The following COL24A1 variants were observed in gnomAD, a reference collection of about 807,000 sequenced individuals.
COL24A1 encodes the protein collagen type XXIV alpha 1 chain.
Under a neutral mutation model 253.9 loss-of-function variants are expected in COL24A1, and 224 were observed. The ratio of observed to expected loss-of-function variants is 0.88; its 90% CI spans 0.79 to 0.99. The LOEUF is 0.99. COL24A1 is among the 50% of genes least tolerant of loss of function. COL24A1 has a pLI of 0.00. For synonymous variants in COL24A1, 685 were observed against 673.7 expected (o/e 1.02, Z -0.26); for missense variants, 2,131 against 2,068.5 (o/e 1.03, Z -0.59).
At position 86,063,725 on chromosome 1, in the gene COL24A1, G is replaced by A; in HGVS notation, c.1742C>T (p.Pro581Leu). ...AAAGGAAGTACCTACTTGTTCACCT[G>A]GAAGTCCTGGGAGTCCAGGATGTCC... ...LKGHPGLPGL[P>L]GEQGIPGFAG... The change falls in exon 8 of 60, where the codon CCA (proline) becomes CTA (leucine). Residue 581 changes from proline to leucine, a missense_variant. By Grantham distance (98) the Pro-to-Leu change is moderately conservative. Coordinates refer to ENST00000370571, the MANE Select transcript of COL24A1 (RefSeq NM_152890.7). The A allele has an allele frequency of 6.4e-7, 1 of 1,550,464 alleles. No homozygotes were observed. Among genetic ancestry groups the A allele is most frequent in the Non-Finnish European group, 8.7e-7 (1 of 1,147,748 alleles).
chr1:85,965,239 C>A (rs1691449600), intron 22 of COL24A1, among the ~76,000 whole-genome samples, 177 bp from the exon 23 acceptor site: 1 of 151,950 alleles, frequency 6.6e-6, no homozygotes, highest in Non-Finnish European at 1.5e-5. Context: ...ATCCAACTGT[C>A]TACTATGTGC....
At chr1:85,877,859 T>G (rs192335797) in intron 32 of COL24A1, among the ~76,000 whole-genome samples, 35 of 152,300 alleles carry the variant, frequency 2.3e-4, no homozygotes, top group East Asian at 2.1e-3. Context: ...TACTTAAAAT[T>G]CCTAGCAAAT....
chr1:85,868,430 G>C, intron 37 of COL24A1, 89 bp downstream of exon 37: 1 of 811,830 alleles, frequency 1.2e-6, no homozygotes, highest in East Asian at 2.5e-5. Flanking sequence ...GATATATAAG[G>C]AGGTCAGAGT....
chr1:85,770,306 G>A (rs368734666), intron 53 of COL24A1, among the ~76,000 whole-genome samples: 218 of 107,518 alleles, frequency 2.0e-3, no homozygotes, highest in African/African-American at 7.1e-3. Flanking sequence ...ACCCTAAGAT[G>A]AGAAAAAAAA....
Position 85,759,529 on chromosome 1 carries a change from G to C in COL24A1, c.4437+1867C>G, listed in dbSNP as rs114927959. On this transcript the variant is annotated intron_variant, in intron 55 of 59. Transcript: ENST00000370571. ...TATTTTCCTACAACGGACTCTGCAA[G>C]TTCCAGGAAAACAGCATTATATATG... is the stretch of plus-strand genomic sequence containing the variant. 3.6e-3 allele frequency among the ~76,000 whole-genome samples: 553 copies of C among 152,234 alleles called. 2 individuals are homozygous for C. Among genetic ancestry groups the C allele is most frequent in the South Asian group, 6.6e-3 (32 of 4,822 alleles).
intron 24 of COL24A1, among the ~76,000 whole-genome samples, chr1:85,944,072 A>AT (rs1689002985): frequency 6.6e-6 from 1 of 152,200 alleles, no homozygotes. Context: ...GAAAGATAAA[A>AT]TTTCTACAGA....
At chr1:86,019,286 G>T (rs1194620460) in intron 18 of COL24A1, among the ~76,000 whole-genome samples, 1 of 152,108 alleles carries the variant, frequency 6.6e-6, no homozygotes, top group African/African-American at 2.4e-5. Context: ...GCCAGGTGCA[G>T]TGGCTCACAC....
At chr1:85,785,770 G>A (rs1669620977) in intron 48 of COL24A1, among the ~76,000 whole-genome samples, 1 of 152,178 alleles carries the variant, frequency 6.6e-6, no homozygotes, top group African/African-American at 2.4e-5. Flanking sequence ...CTTAGTCTTA[G>A]GCTTTTATGA....
intron 47 of COL24A1, among the ~76,000 whole-genome samples, chr1:85,793,569 T>C (rs1670516832): frequency 6.6e-6 from 1 of 152,196 alleles, no homozygotes; most frequent in Admixed American, 6.6e-5. Context: ...CCAAGTTGCT[T>C]GTGCCTCATC....
At chr1:85,819,413 C>A (rs1673373647) in intron 45 of COL24A1, among the ~76,000 whole-genome samples, 1 of 151,854 alleles carries the variant, frequency 6.6e-6, no homozygotes, top group South Asian at 2.1e-4. Flanking sequence ...TACAGTATTT[C>A]TTTTTATGCA....
At chr1:85,844,142 A>G (rs1558358865) in intron 39 of COL24A1, among the ~76,000 whole-genome samples, 1 of 152,076 alleles carries the variant, frequency 6.6e-6, no homozygotes, top group African/African-American at 2.4e-5. Flanking sequence ...AAGAAAAGAG[A>G]AAAAGGAATC....
At chr1:86,118,572 A>G (rs1241930963) in intron 3 of COL24A1, among the ~76,000 whole-genome samples, 1 of 152,206 alleles carries the variant, frequency 6.6e-6, no homozygotes, top group Non-Finnish European at 1.5e-5. Flanking sequence ...AATAAATATT[A>G]TAAAGCATCA....
At position 85,730,424 on chromosome 1, in the gene COL24A1, C is replaced by A; in HGVS notation, c.*122G>T. ...GAGGAAGTCTGTTCTTCCTGAGATT[C>A]TTTAAGATTTAGCCAATGCTTTATT... On this transcript the variant is annotated 3_prime_UTR_variant, in exon 60 of 60. Coordinates refer to ENST00000370571, the MANE Select transcript of COL24A1 (RefSeq NM_152890.7). 9.5e-7 allele frequency: 1 copy of A among 1,055,130 alleles called. No individual in the cohort carries two copies. 65.4% of individuals were successfully genotyped at this position (1,055,130 alleles called of 1,614,324 possible).
At chr1:85,919,716 G>C (rs1686258088) in intron 24 of COL24A1, among the ~76,000 whole-genome samples, 1 of 152,076 alleles carries the variant, frequency 6.6e-6, no homozygotes, top group Non-Finnish European at 1.5e-5. Context: ...AAAACCAAGA[G>C]AGAGCACCTG....
chr1:86,062,590 A>C (rs1321697035), intron 8 of COL24A1, among the ~76,000 whole-genome samples: 1 of 152,076 alleles, frequency 6.6e-6, no homozygotes, highest in Non-Finnish European at 1.5e-5. Context: ...CCAATTTTTC[A>C]CTTGTGAAGT....
Position 85,734,467 on chromosome 1 carries a change from G to C in COL24A1, c.4998+282C>G, listed in dbSNP as rs201528081. Among the ~76,000 whole-genome samples the C allele has an allele frequency of 2.0e-5, 3 of 151,830 alleles. No individual in the cohort carries two copies. In the East Asian group the frequency reaches 5.8e-4, roughly 29 times the overall value. On this transcript the variant is annotated intron_variant, in intron 59 of 59. Transcript: ENST00000370571. ...TCTATCTATCCATCCATCCATCCTG[G>C]TATAATTATTTCATATAGGGAATAA...
intron 24 of COL24A1, among the ~76,000 whole-genome samples, chr1:85,918,135 T>C (rs1223427425): frequency 2.0e-5 from 3 of 151,912 alleles, no homozygotes; most frequent in Non-Finnish European, 2.9e-5. Context: ...TTTTGTTTTT[T>C]TTTTTGGCCT....
intron 19 of COL24A1, among the ~76,000 whole-genome samples, chr1:85,993,622 G>T (rs1256001617): frequency 6.6e-6 from 1 of 151,888 alleles, no homozygotes; most frequent in Non-Finnish European, 1.5e-5. Flanking sequence ...TGACAGATAT[G>T]TTCATTATCT....
intron 19 of COL24A1, among the ~76,000 whole-genome samples, chr1:85,994,981 C>CTT (rs1376226126): frequency 6.6e-6 from 1 of 152,062 alleles, no homozygotes; most frequent in Non-Finnish European, 1.5e-5. Flanking sequence ...TATATTTTCC[C>CTT]TTCTGTAATT....
Sources: gnomAD v4.1 joint callset for allele counts (sites outside exome capture counted in the v4.1 genomes callset) on GRCh38, gnomAD v4.1.1 for gene constraint, MANE v1.5 for transcripts, NCBI Gene and HGNC (gene_info 2026-07-23, HGNC 2026-07-21) for gene names.